TENM2: variants seen among roughly 807,000 people sequenced by gnomAD.
TENM2 encodes teneurin-2.
A neutral mutation model predicts 245.2 loss-of-function variants in TENM2; 52 were observed. The observed-to-expected ratio is 0.21, with a 90% confidence interval of 0.17 to 0.27. The LOEUF (loss-of-function observed/expected upper bound fraction) is 0.27, where lower values mean the gene tolerates loss of function less well. TENM2 is among the 10% of genes least tolerant of loss of function. TENM2 has a pLI of 1.00. For synonymous variants in TENM2, 1,363 were observed against 1,438.9 expected, an observed-to-expected ratio of 0.95 and a Z score of 1.19; for missense variants, 3,046 against 3,666.8, an observed-to-expected ratio of 0.83 and a Z score of 4.37.
At chr5:167,738,861 C>T (rs960996749) in intron 2 of TENM2, among the ~76,000 whole-genome samples, 2 of 152,140 alleles carry the variant, frequency 1.3e-5, no homozygotes, top group Non-Finnish European at 2.9e-5. Context: ...TTAGGGCCCA[C>T]CTGAAAGTCC....
Position 167,668,652 on chromosome 5 carries a change from A to G in TENM2, c.503-207334A>G, listed in dbSNP as rs111977510. ...GACCATGAATGAGAATGATGTGGAA[A>G]TTTCTGATAGTAAAGGCTTATTGTA... On this transcript the variant is annotated intron_variant, in intron 2 of 28. Transcript: ENST00000518659. Among the ~76,000 whole-genome samples, 62 of 152,262 alleles carry G rather than the reference A, an allele frequency of 4.1e-4. 1 individual carries two copies. The highest frequency in any genetic ancestry group is 1.4e-3 in the African/African-American group (59 of 41,572).
chr5:168,231,675 G>A (rs1266783567), intron 25 of TENM2, among the ~76,000 whole-genome samples: 4 of 151,684 alleles, frequency 2.6e-5, no homozygotes, highest in Non-Finnish European at 5.9e-5. Flanking sequence ...CAAAGTGGGA[G>A]GATCATTTTC....
At chr5:167,846,487 G>A (rs544513744) in intron 2 of TENM2, among the ~76,000 whole-genome samples, 79 of 152,334 alleles carry the variant, frequency 5.2e-4, no homozygotes, top group African/African-American at 1.8e-3. Context: ...CGGATTGCTA[G>A]AAAATGTTTA....
chr5:168,020,144 G>A (rs375364386), intron 5 of TENM2, among the ~76,000 whole-genome samples: 4 of 152,168 alleles, frequency 2.6e-5, no homozygotes, highest in South Asian at 4.1e-4. Flanking sequence ...CGAGGATGTA[G>A]GTCAATATCA....
At chr5:167,763,634 G>A (rs1762816944) in intron 2 of TENM2, among the ~76,000 whole-genome samples, 2 of 152,244 alleles carry the variant, frequency 1.3e-5, no homozygotes, top group Admixed American at 1.3e-4. Flanking sequence ...CATCAAATCT[G>A]GGGAGAGTTT....
At chr5:167,155,282 A>C in the TENM2 span, among the ~76,000 whole-genome samples, 1 of 152,224 alleles carries the variant, frequency 6.6e-6, no homozygotes, top group Non-Finnish European at 1.5e-5. Context: ...GCTGTGTTCT[A>C]TGGGATCCTG....
chr5:167,974,025 A>AGGGAAGGG lies in TENM2; in HGVS notation c.948-18919_948-18918insGGGAAGGG, dbSNP rs1181773138. Among the ~76,000 whole-genome samples the AGGGAAGGG allele has an allele frequency of 4.8e-3, 199 of 41,880 alleles. 9 individuals carry two copies. Among genetic ancestry groups the AGGGAAGGG allele is most frequent in the African/African-American group, 5.7e-3 (26 of 4,564 alleles). 27.5% of individuals were successfully genotyped at this position (41,880 alleles called of 152,430 possible). ...AAAGGGAGGGAGGGAGGGAGGGAGG[A>AGGGAAGGG]AGGAAGGAAGGAGAAGGAAGGAAGG... On this transcript the variant is annotated intron_variant, in intron 4 of 28. Coordinates refer to ENST00000518659, the Ensembl canonical transcript of TENM2.
At chr5:168,147,735 C>T (rs1003851767) in intron 12 of TENM2, among the ~76,000 whole-genome samples, 3 of 152,154 alleles carry the variant, frequency 2.0e-5, no homozygotes, top group Admixed American at 6.5e-5. Context: ...CTTGCATGTG[C>T]CATTAATCAA....
At chr5:168,059,306 A>G (rs768824913) in intron 6 of TENM2, among the ~76,000 whole-genome samples, 4 of 152,094 alleles carry the variant, frequency 2.6e-5, no homozygotes, top group Admixed American at 6.5e-5. Context: ...TGATATCACA[A>G]TCCATTCAGG....
chr5:167,458,749 C>CA (rs1561973481), intron 2 of TENM2, among the ~76,000 whole-genome samples: 1 of 152,078 alleles, frequency 6.6e-6, no homozygotes, highest in African/African-American at 2.4e-5. Context: ...TTTATCCTTA[C>CA]AACACCTCTA....
intron 5 of TENM2, among the ~76,000 whole-genome samples, chr5:168,019,323 T>C (rs1352493304): frequency 6.6e-6 from 1 of 152,164 alleles, no homozygotes; most frequent in African/African-American, 2.4e-5. Context: ...GAAGAGGGCA[T>C]GGAGCCGTCT....
chr5:167,845,397 A>G (rs753048348), intron 2 of TENM2, among the ~76,000 whole-genome samples: 3 of 152,006 alleles, frequency 2.0e-5, no homozygotes, highest in Non-Finnish European at 4.4e-5. Context: ...ATAAATCTTA[A>G]CTTCCAAGAC....
At chr5:167,327,294 C>T (rs569136759) in intron 1 of TENM2, among the ~76,000 whole-genome samples, 3 of 152,066 alleles carry the variant, frequency 2.0e-5, no homozygotes, top group Non-Finnish European at 2.9e-5. Flanking sequence ...TTTGTCCTTG[C>T]GATAGTTTGC....
chr5:168,238,189 G>C (rs1374644639), intron 25 of TENM2, among the ~76,000 whole-genome samples: 1 of 53,372 alleles, frequency 1.9e-5, no homozygotes, highest in Non-Finnish European at 2.8e-5. Flanking sequence ...GAGAGAGGGA[G>C]GGAGGGAGGG....
rs1554199695 is a variant in TENM2 at position 168,112,607 on chromosome 5, G to GGGGC, written c.1814-5682_1814-5681insCGGG. Among the ~76,000 whole-genome samples, 84 of 27,540 alleles carry GGGGC rather than the reference G, an allele frequency of 3.1e-3. 1 individual carries two copies. The highest frequency in any genetic ancestry group is 0.015 in the South Asian group (16 of 1,084). The allele number at this position is 27,540 out of a possible 152,430, so 18.1% of individuals were successfully genotyped here. On this transcript the variant is annotated intron_variant, in intron 9 of 28. Transcript: ENST00000518659. ...TTTTTGAATACAGTGTGCAGTGGGCGGGGGGGGGGTCAAACTTTATTACTT... is the reference window on the plus strand; with the variant it reads ...TTTTTGAATACAGTGTGCAGTGGGCGGGGCGGGGGGGGGTCAAACTTTATTACTT...
chr5:167,659,465 A>C (rs1755062883), intron 2 of TENM2, among the ~76,000 whole-genome samples: 1 of 152,226 alleles, frequency 6.6e-6, no homozygotes, highest in South Asian at 2.1e-4. Flanking sequence ...ATGTGGTTGA[A>C]TACAAGGAAG....
rs549812825 is a variant in TENM2 at position 167,377,961 on chromosome 5, C to G, written c.502+2488C>G. On this transcript the variant is annotated intron_variant, in intron 2 of 28. Transcript: ENST00000518659. ...TTCTTGAAGAGGAAGTAACAGGAAT[C>G]TATACTTTGAGAAAGAAGCTCTCCA... 1.1e-4 allele frequency among the ~76,000 whole-genome samples: 16 copies of G among 152,142 alleles called. No individual in the cohort carries two copies. The East Asian group carries it at 2.9e-3, about 28-fold the overall frequency.
the TENM2 span, among the ~76,000 whole-genome samples, chr5:167,239,537 G>A: frequency 6.6e-3 from 1,000 of 152,108 alleles, 11 homozygotes; most frequent in African/African-American, 0.022. Flanking sequence ...CCATAGTGTC[G>A]GAACTGGGTA....
chr5:167,289,541 C>T (rs1754519523), intron 1 of TENM2, among the ~76,000 whole-genome samples: 2 of 152,162 alleles, frequency 1.3e-5, no homozygotes, highest in African/African-American at 2.4e-5. Context: ...ATAAATCCTA[C>T]CGGCTATTTG....
Sources: allele counts gnomAD v4.1 joint callset (sites outside exome capture counted in the v4.1 genomes callset), GRCh38; gene constraint gnomAD v4.1.1; transcripts MANE v1.5; gene names NCBI Gene and HGNC (gene_info 2026-07-23, HGNC 2026-07-21).